Variants in SUMF1 observed in about 807,000 individuals in gnomAD.
SUMF1 encodes the protein sulfatase modifying factor 1.
In SUMF1, 48 loss-of-function variants were observed where a neutral mutation model predicts 47.6. That is an observed-to-expected ratio of 1.01 (90% CI 0.80 to 1.28). The LOEUF is 1.28. Ranked by LOEUF, SUMF1 falls within the 50% of genes most tolerant of loss-of-function variation. The pLI is 0.00. For missense variants in SUMF1, 571 were observed against 485.4 expected, an observed-to-expected ratio of 1.18 and a Z score of -1.66; for synonymous variants, 230 against 192.1, an observed-to-expected ratio of 1.20 and a Z score of -1.63.
At chr3:4,166,471 G>A (rs1301970035) in intron 8 of SUMF1, among the ~76,000 whole-genome samples, 1 of 152,096 alleles carries the variant, frequency 6.6e-6, no homozygotes, top group Non-Finnish European at 1.5e-5. Context: ...ACAGGGCCTT[G>A]GGCAAAAATT....
chr3:4,369,944 T>G (rs1339670033), intron 8 of SUMF1, among the ~76,000 whole-genome samples: 1 of 152,210 alleles, frequency 6.6e-6, no homozygotes, highest in Admixed American at 6.5e-5. Flanking sequence ...ATATGCCAGA[T>G]GCTATTTTAG....
At chr3:4,075,373 A>G (rs949008296) in intron 8 of SUMF1, among the ~76,000 whole-genome samples, 1 of 152,162 alleles carries the variant, frequency 6.6e-6, no homozygotes, top group Non-Finnish European at 1.5e-5. Context: ...ATAAACCCAC[A>G]GACAATATCA....
chr3:4,330,661 G>C (rs1325750363), intron 8 of SUMF1, among the ~76,000 whole-genome samples: 1 of 152,154 alleles, frequency 6.6e-6, no homozygotes, highest in Non-Finnish European at 1.5e-5. Context: ...AAATCAGACA[G>C]CATGAGGCCA....
intron 8 of SUMF1, among the ~76,000 whole-genome samples, chr3:4,246,367 G>C (rs749408860): frequency 6.7e-6 from 1 of 149,182 alleles, no homozygotes; most frequent in East Asian, 2.0e-4. Context: ...CCGTAGACTG[G>C]AGCTGTTCCT....
chr3:4,418,703 C>T (rs1169602683), intron 4 of SUMF1, among the ~76,000 whole-genome samples: 2 of 152,234 alleles, frequency 1.3e-5, no homozygotes, highest in African/African-American at 4.8e-5. Flanking sequence ...TAACATTCTG[C>T]ATCCTAAACT....
chr3:4,256,936 G>A (rs1696969103), intron 8 of SUMF1, among the ~76,000 whole-genome samples: 2 of 124,662 alleles, frequency 1.6e-5, no homozygotes, highest in Middle Eastern at 3.6e-3. Flanking sequence ...TTCATCCCTG[G>A]GATGCAAGGC....
intron 9 of SUMF1, among the ~76,000 whole-genome samples, chr3:4,035,091 G>C (rs1694769854): frequency 6.6e-6 from 1 of 152,184 alleles, no homozygotes; most frequent in Non-Finnish European, 1.5e-5. Flanking sequence ...GGCACTGATG[G>C]CCATAATAAA....
intron 9 of SUMF1, among the ~76,000 whole-genome samples, chr3:4,063,490 G>A (rs975389224): frequency 6.6e-6 from 1 of 151,940 alleles, no homozygotes; most frequent in Admixed American, 6.6e-5. Flanking sequence ...ATATTTACCC[G>A]TCAGGCATGC....
At chr3:4,246,253 T>C (rs994621891) in intron 8 of SUMF1, among the ~76,000 whole-genome samples, 10 of 151,556 alleles carry the variant, frequency 6.6e-5, no homozygotes, top group African/African-American at 2.4e-4. Flanking sequence ...CTGCTCACCC[T>C]CCGTGGGCTG....
intron 8 of SUMF1, among the ~76,000 whole-genome samples, chr3:4,325,528 T>C (rs1183230633): frequency 6.6e-6 from 1 of 150,604 alleles, no homozygotes; most frequent in Non-Finnish European, 1.5e-5. Context: ...TATATGTATG[T>C]GTGTGTGTGT....
intron 8 of SUMF1, among the ~76,000 whole-genome samples, chr3:4,183,379 T>C (rs1695136472): frequency 6.6e-6 from 1 of 152,200 alleles, no homozygotes; most frequent in South Asian, 2.1e-4. Context: ...ATAGTCCTGA[T>C]GCTTTAGTTG....
chr3:4,230,804 T>C (rs1023124528), intron 8 of SUMF1, among the ~76,000 whole-genome samples: 5 of 152,168 alleles, frequency 3.3e-5, no homozygotes, highest in African/African-American at 4.8e-5. Context: ...AGTCATCCCA[T>C]TGGTAAACAA....
At chr3:4,349,588 T>C (rs898834313) in intron 8 of SUMF1, among the ~76,000 whole-genome samples, 2 of 152,114 alleles carry the variant, frequency 1.3e-5, no homozygotes, top group African/African-American at 4.8e-5. Flanking sequence ...CCAACCCAAA[T>C]GCCCATCAAT....
intron 8 of SUMF1, among the ~76,000 whole-genome samples, chr3:4,109,036 T>C (rs1161675154): frequency 2.0e-5 from 3 of 152,278 alleles, no homozygotes; most frequent in African/African-American, 7.2e-5. Flanking sequence ...TCTTTACAAT[T>C]TGGCATGTTT....
At chr3:4,310,814 C>T (rs73806995) in intron 8 of SUMF1, among the ~76,000 whole-genome samples, 1,745 of 152,000 alleles carry the variant, frequency 0.011, 39 homozygotes, top group African/African-American at 0.04. Flanking sequence ...TATATAGTAC[C>T]TTAAAAATAT....
intron 8 of SUMF1, among the ~76,000 whole-genome samples, chr3:4,373,884 A>G (rs1405451550): frequency 6.6e-6 from 1 of 152,204 alleles, no homozygotes; most frequent in Non-Finnish European, 1.5e-5. Context: ...ATAGCTTAAT[A>G]TTTGAAAATC....
intron 7 of SUMF1, among the ~76,000 whole-genome samples, chr3:4,409,822 C>T (rs1333818806): frequency 6.6e-6 from 1 of 152,180 alleles, no homozygotes; most frequent in Non-Finnish European, 1.5e-5. Flanking sequence ...CATGAGCAGC[C>T]CATGTGTTAT....
chr3:4,211,578 C>T (rs776025655), intron 8 of SUMF1, among the ~76,000 whole-genome samples: 2 of 151,998 alleles, frequency 1.3e-5, no homozygotes, highest in Non-Finnish European at 2.9e-5. Flanking sequence ...AAACCGGACA[C>T]AGAAAACTCC....
chr3:4,206,611 A>G lies in SUMF1; in HGVS notation c.1015-137866T>C, dbSNP rs73806932. 4.1e-3 allele frequency among the ~76,000 whole-genome samples: 627 copies of G among 152,198 alleles called. 6 individuals carry two copies. Among genetic ancestry groups the G allele is most frequent in the African/African-American group, 0.014 (596 of 41,522 alleles). ...GGTGTTGGAGGCAATTCAAAACTGT[A>G]TTTCCTACCTCTTCAGTGCCTCCTT... On this transcript the variant is annotated intron_variant and NMD_transcript_variant, in intron 8 of 12. Transcript: ENST00000448413.
Sources: gnomAD v4.1 joint callset for allele counts (sites outside exome capture counted in the v4.1 genomes callset) on GRCh38, gnomAD v4.1.1 for gene constraint, MANE v1.5 for transcripts, NCBI Gene and HGNC (gene_info 2026-07-23, HGNC 2026-07-21) for gene names.